The following SLC35F1 variants were observed in gnomAD, a reference collection of about 807,000 sequenced individuals.
SLC35F1 encodes solute carrier family 35 member F1.
Under a neutral mutation model 48.7 loss-of-function variants are expected in SLC35F1, and 14 were observed. The ratio of observed to expected loss-of-function variants is 0.29; its 90% CI spans 0.19 to 0.45. The LOEUF is 0.45. SLC35F1 is among the 20% of genes least tolerant of loss of function. The pLI is 1.00. For synonymous variants in SLC35F1, 190 were observed against 202.2 expected (o/e 0.94, Z 0.51); for missense variants, 404 against 500.0 (o/e 0.81, Z 1.83).
At chr6:118,196,473 T>C (rs1030309485) in intron 2 of SLC35F1, among the ~76,000 whole-genome samples, 1 of 152,144 alleles carries the variant, frequency 6.6e-6, no homozygotes, top group African/African-American at 2.4e-5. Context: ...CCTAGCACTT[T>C]GGGAGGCTGA....
chr6:118,251,015 C>T (rs1424834467), intron 3 of SLC35F1, among the ~76,000 whole-genome samples: 1 of 151,986 alleles, frequency 6.6e-6, no homozygotes, highest in Admixed American at 6.6e-5. Flanking sequence ...TGGCCAGGAG[C>T]GGTGGCTCAT....
intron 1 of SLC35F1, among the ~76,000 whole-genome samples, chr6:118,118,546 C>G (rs563583655): frequency 1.3e-5 from 2 of 152,214 alleles, no homozygotes; most frequent in East Asian, 3.9e-4. Context: ...TTGCATTTAT[C>G]TGATGATTAG....
chr6:118,116,838 A>G (rs1773482269), intron 1 of SLC35F1, among the ~76,000 whole-genome samples: 1 of 152,168 alleles, frequency 6.6e-6, no homozygotes. Context: ...TTAATGATTT[A>G]ATCAAATAAT....
At position 118,125,054 on chromosome 6, in the gene SLC35F1, T is replaced by G. The variant is rs138926727; in HGVS notation, c.174-29391T>G. Among the ~76,000 whole-genome samples, 1,106 of 152,302 alleles carry G rather than the reference T, an allele frequency of 7.3e-3. 5 individuals are homozygous for G. Among genetic ancestry groups the G allele is most frequent in the Non-Finnish European group, 0.012 (838 of 68,026 alleles). ...ATATTTACTCTCACATTCCAGAATC[T>G]TGATGGCATAAGAAACTATTTGCAC... On this transcript the variant is annotated intron_variant, in intron 1 of 7. Transcript: ENST00000360388.
At chr6:117,987,019 G>A (rs951068499) in intron 1 of SLC35F1, among the ~76,000 whole-genome samples, 2 of 152,172 alleles carry the variant, frequency 1.3e-5, no homozygotes, top group Admixed American at 1.3e-4. Context: ...AGGGCATTCA[G>A]ATAAACTGCC....
At chr6:117,959,538 A>G (rs1776468269) in intron 1 of SLC35F1, among the ~76,000 whole-genome samples, 2 of 152,212 alleles carry the variant, frequency 1.3e-5, no homozygotes, top group South Asian at 4.1e-4. Flanking sequence ...TCTAGCATCC[A>G]GAAATAGACA....
chr6:118,061,249 T>A lies in SLC35F1; in HGVS notation c.174-93196T>A, dbSNP rs1484535026. On this transcript the variant is annotated intron_variant, in intron 1 of 7. Transcript: ENST00000360388. ...TGCTTTTTACATGCATCAATTGAAA[T>A]GGCCTCTGCATAGCAATTAGATTTA... Among the ~76,000 whole-genome samples the A allele has an allele frequency of 3.9e-5, 6 of 152,194 alleles. No individual in the cohort carries two copies. In the East Asian group the frequency reaches 1.2e-3, roughly 29 times the overall value.
intron 3 of SLC35F1, among the ~76,000 whole-genome samples, chr6:118,264,773 A>G (rs1485283089): frequency 6.6e-6 from 1 of 152,258 alleles, no homozygotes; most frequent in Non-Finnish European, 1.5e-5. Context: ...ACAAAACACC[A>G]ACTGTTTTAT....
At chr6:118,068,271 G>A (rs563140361) in intron 1 of SLC35F1, among the ~76,000 whole-genome samples, 34 of 152,254 alleles carry the variant, frequency 2.2e-4, no homozygotes, top group Admixed American at 8.5e-4. Context: ...ACCAGCTATC[G>A]AGTATCCCTT....
chr6:118,150,476 G>T (rs1389520356), intron 1 of SLC35F1, among the ~76,000 whole-genome samples: 1 of 152,092 alleles, frequency 6.6e-6, no homozygotes, highest in Non-Finnish European at 1.5e-5. Context: ...TTTATTTGTG[G>T]TGTGATTTTG....
chr6:118,002,630 A>G (rs868230933), intron 1 of SLC35F1, among the ~76,000 whole-genome samples: 4 of 151,936 alleles, frequency 2.6e-5, no homozygotes, highest in Non-Finnish European at 5.9e-5. Flanking sequence ...AAAAGAAGAT[A>G]AAAAAAGAAT....
chr6:117,969,484 C>T (rs1776612182), intron 1 of SLC35F1, among the ~76,000 whole-genome samples: 1 of 152,026 alleles, frequency 6.6e-6, no homozygotes, highest in South Asian at 2.1e-4. Flanking sequence ...ACAAATAAAC[C>T]CAGGCCAAGG....
At chr6:118,050,124 C>G (rs1448811996) in intron 1 of SLC35F1, among the ~76,000 whole-genome samples, 7 of 151,868 alleles carry the variant, frequency 4.6e-5, no homozygotes, top group Non-Finnish European at 1.5e-5. Flanking sequence ...GACAAAAAAC[C>G]AAACACCACA....
Position 118,315,118 on chromosome 6 carries a change from CT to C in SLC35F1, c.*870del, listed in dbSNP as rs1776416203. 2 of 152,684 alleles carry C rather than the reference CT, an allele frequency of 1.3e-5. No homozygotes were observed. Among genetic ancestry groups the C allele is most frequent in the Non-Finnish European group, 2.9e-5 (2 of 68,018 alleles). 9.5% of individuals were successfully genotyped at this position (152,684 alleles called of 1,614,324 possible). On this transcript the variant is annotated 3_prime_UTR_variant, in exon 8 of 8. Transcript: ENST00000360388. ...CCTGTAGCCTCTCTTCAAAAACTAT[CT>C]TTTATTTTTTTTCCAGATTTCCTTA...
At chr6:118,137,808 C>T (rs1185476970) in intron 1 of SLC35F1, among the ~76,000 whole-genome samples, 1 of 152,156 alleles carries the variant, frequency 6.6e-6, no homozygotes, top group East Asian at 1.9e-4. Flanking sequence ...AGGTCCCTAT[C>T]ATTTATAGAA....
chr6:118,208,249 C>A (rs1394944823), intron 2 of SLC35F1, among the ~76,000 whole-genome samples: 1 of 152,184 alleles, frequency 6.6e-6, no homozygotes, highest in East Asian at 1.9e-4. Context: ...CCTATATGAC[C>A]AGTGGGTACC....
Position 118,071,681 on chromosome 6 carries a change from G to C in SLC35F1, c.174-82764G>C, listed in dbSNP as rs542125231. ...ATCTGTTTATTTCACCCTGACAATG[G>C]ATGATTTTGGCTCTACACTGTATTA... On this transcript the variant is annotated intron_variant, in intron 1 of 7. Transcript: ENST00000360388. Among the ~76,000 whole-genome samples, 3 of 152,096 alleles carry C rather than the reference G, an allele frequency of 2.0e-5. No homozygotes were observed. In the East Asian group the frequency reaches 5.8e-4, roughly 29 times the overall value.
intron 1 of SLC35F1, among the ~76,000 whole-genome samples, chr6:117,978,290 CT>C (rs1207437501): frequency 6.6e-6 from 1 of 152,130 alleles, no homozygotes; most frequent in Non-Finnish European, 1.5e-5. Flanking sequence ...TCCCCCTCCC[CT>C]GGCCCCCACC....
intron 4 of SLC35F1, among the ~76,000 whole-genome samples, chr6:118,274,015 C>G (rs1775889998): frequency 6.6e-6 from 1 of 152,222 alleles, no homozygotes; most frequent in Non-Finnish European, 1.5e-5. Flanking sequence ...TGCCCAGATT[C>G]TTTGATGTGA....
Sources: gnomAD v4.1 joint callset for allele counts (sites outside exome capture counted in the v4.1 genomes callset) on GRCh38, gnomAD v4.1.1 for gene constraint, MANE v1.5 for transcripts, NCBI Gene and HGNC (gene_info 2026-07-23, HGNC 2026-07-21) for gene names.